Variants in GHR observed in about 807,000 individuals in gnomAD.
The protein encoded by GHR is growth hormone receptor, also known as GH receptor.
In GHR, 35 loss-of-function variants were observed where a neutral mutation model predicts 67.1. That is an observed-to-expected ratio of 0.52 (90% CI 0.40 to 0.69). The LOEUF is 0.69. GHR is among the 30% of genes least tolerant of loss of function. GHR has a pLI of 0.00. For synonymous variants in GHR, 272 were observed against 269.1 expected (o/e 1.01, Z -0.10); for missense variants, 792 against 764.6 (o/e 1.04, Z -0.42).
intron 1 of GHR, among the ~76,000 whole-genome samples, chr5:42,480,145 C>T (rs1219843930): frequency 1.3e-5 from 2 of 152,074 alleles, no homozygotes; most frequent in Admixed American, 6.5e-5. Context: ...TTGTTATGTA[C>T]CCAGTAGTCA....
At chr5:42,553,548 T>C (rs963140862) in intron 1 of GHR, among the ~76,000 whole-genome samples, 28 of 152,214 alleles carry the variant, frequency 1.8e-4, no homozygotes, top group African/African-American at 6.3e-4. Context: ...CCTTCTGCCA[T>C]ATCTCATTCT....
chr5:42,502,953 G>A (rs750613392), intron 1 of GHR, among the ~76,000 whole-genome samples: 1 of 152,006 alleles, frequency 6.6e-6, no homozygotes, highest in Admixed American at 6.6e-5. Context: ...CAGGTTCAGT[G>A]TTTAACTGGG....
intron 1 of GHR, among the ~76,000 whole-genome samples, chr5:42,443,582 T>C (rs1432619213): frequency 6.6e-6 from 1 of 152,110 alleles, no homozygotes; most frequent in Admixed American, 6.5e-5. Flanking sequence ...ACCAATGTAT[T>C]AGGGTTTCCA....
chr5:42,647,542 C>T (rs1259102260), intron 3 of GHR: 1 of 351,370 alleles, frequency 2.8e-6, no homozygotes, highest in African/African-American at 2.2e-5. Flanking sequence ...CCACTGCACT[C>T]CAGCCTGGGC....
chr5:42,567,425 A>G (rs2112482991), intron 2 of GHR, among the ~76,000 whole-genome samples: 1 of 152,302 alleles, frequency 6.6e-6, no homozygotes, highest in South Asian at 2.1e-4. Flanking sequence ...AAACATCACT[A>G]GTTGCTTTTA....
intron 3 of GHR, among the ~76,000 whole-genome samples, chr5:42,640,853 T>A (rs1282975553): frequency 6.6e-6 from 1 of 152,096 alleles, no homozygotes; most frequent in East Asian, 1.9e-4. Context: ...AGACCCTCGT[T>A]TGAGAATCCC....
chr5:42,608,960 T>A (rs1473873718), intron 2 of GHR, among the ~76,000 whole-genome samples: 1 of 152,114 alleles, frequency 6.6e-6, no homozygotes. Context: ...CAATATTATA[T>A]AATTTAAAAA....
chr5:42,571,039 C>A (rs993512607), intron 2 of GHR, among the ~76,000 whole-genome samples: 2 of 152,184 alleles, frequency 1.3e-5, no homozygotes, highest in Admixed American at 1.3e-4. Context: ...ACTCGGGGAA[C>A]TATCAGTGCC....
chr5:42,530,636 C>T (rs1388001906), intron 1 of GHR, among the ~76,000 whole-genome samples: 1 of 151,896 alleles, frequency 6.6e-6, no homozygotes, highest in Non-Finnish European at 1.5e-5. Context: ...TTTCTTAACA[C>T]TGATGAAACT....
chr5:42,711,538 C>T (rs932082688), intron 7 of GHR, among the ~76,000 whole-genome samples, 166 bp downstream of exon 7: 7 of 152,074 alleles, frequency 4.6e-5, no homozygotes, highest in Non-Finnish European at 7.4e-5. Flanking sequence ...TTGTTCATTG[C>T]AAAAGCAGAA....
At chr5:42,494,716 A>G (rs1423913287) in intron 1 of GHR, among the ~76,000 whole-genome samples, 1 of 152,172 alleles carries the variant, frequency 6.6e-6, no homozygotes, top group Non-Finnish European at 1.5e-5. Context: ...ACTAATCCTT[A>G]GCTAGGTTGA....
At chr5:42,498,487 A>G (rs1472640850) in intron 1 of GHR, among the ~76,000 whole-genome samples, 1 of 152,224 alleles carries the variant, frequency 6.6e-6, no homozygotes, top group African/African-American at 2.4e-5. Flanking sequence ...TGGAAAACTG[A>G]GACTCAGAGA....
At chr5:42,663,662 G>C (rs1453522641) in intron 3 of GHR, among the ~76,000 whole-genome samples, 1 of 152,180 alleles carries the variant, frequency 6.6e-6, no homozygotes, top group African/African-American at 2.4e-5. Context: ...AAAACTGGAA[G>C]CATTCCCTTT....
intron 2 of GHR, among the ~76,000 whole-genome samples, chr5:42,618,710 A>G (rs1229627982): frequency 2.0e-5 from 3 of 152,184 alleles, no homozygotes; most frequent in Non-Finnish European, 2.9e-5. Context: ...CATTCTGCTC[A>G]GTACTTCACA....
rs529648089 is a variant in GHR at position 42,671,830 on chromosome 5, C to T, written c.137-17060C>T. Among the ~76,000 whole-genome samples, 245 of 151,628 alleles carry T rather than the reference C, an allele frequency of 1.6e-3. 1 individual carries two copies. Among genetic ancestry groups the T allele is most frequent in the African/African-American group, 5.6e-3 (232 of 41,410 alleles). On this transcript the variant is annotated intron_variant, in intron 3 of 9. Coordinates refer to ENST00000230882, the MANE Select transcript of GHR (RefSeq NM_000163.5). ...AATTAGCCGGGCGTAGGGGCGGGCG[C>T]CTGTAGTCCCAGCTACTTGGGAGGC...
intron 1 of GHR, among the ~76,000 whole-genome samples, chr5:42,431,535 G>T (rs1743095027): frequency 6.6e-6 from 1 of 152,162 alleles, no homozygotes; most frequent in Non-Finnish European, 1.5e-5. Context: ...CTTTTAATCA[G>T]CATCTAAACT....
chr5:42,579,769 G>C (rs1417175666), intron 2 of GHR, among the ~76,000 whole-genome samples: 1 of 152,156 alleles, frequency 6.6e-6, no homozygotes, highest in Non-Finnish European at 1.5e-5. Context: ...TATTATTGGT[G>C]TGAGATTAAA....
At chr5:42,483,269 C>A (rs1333653983) in intron 1 of GHR, among the ~76,000 whole-genome samples, 1 of 152,108 alleles carries the variant, frequency 6.6e-6, no homozygotes, top group African/African-American at 2.4e-5. Context: ...CCAGGCTGAT[C>A]TCCAACACCT....
chr5:42,467,695 G>A, intron 1 of GHR: 1 of 1,580,722 alleles, frequency 6.3e-7, no homozygotes, highest in Non-Finnish European at 8.7e-7. Context: ...CTGAATGAAG[G>A]CCTTCCCACA....
Sources: allele counts gnomAD v4.1 joint callset (sites outside exome capture counted in the v4.1 genomes callset), GRCh38; gene constraint gnomAD v4.1.1; transcripts MANE v1.5; gene names NCBI Gene and HGNC (gene_info 2026-07-23, HGNC 2026-07-21).